DMRT1: variants seen among roughly 807,000 people sequenced by gnomAD.
The protein encoded by DMRT1 is doublesex and mab-3 related transcription factor 1.
Under a neutral mutation model 32.3 loss-of-function variants are expected in DMRT1, and 7 were observed. That is an observed-to-expected ratio of 0.22 (90% confidence interval 0.12 to 0.41). The LOEUF (loss-of-function observed/expected upper bound fraction) is 0.41. DMRT1 is among the 10% of genes least tolerant of loss of function. DMRT1 has a pLI of 1.00. For missense variants in DMRT1, 625 were observed against 500.5 expected (o/e 1.25, Z -2.37); for synonymous variants, 278 against 206.1 (o/e 1.35, Z -2.99).
intron 1 of DMRT1, among the ~76,000 whole-genome samples, chr9:844,815 G>A (rs1838835968): frequency 6.6e-6 from 1 of 150,924 alleles, no homozygotes; most frequent in South Asian, 2.1e-4. Context: ...CCGCCTCCTG[G>A]GTTCAAGCGA....
chr9:928,538 G>A (rs1020898886), intron 4 of DMRT1, among the ~76,000 whole-genome samples: 2 of 152,136 alleles, frequency 1.3e-5, no homozygotes, highest in African/African-American at 4.8e-5. Context: ...CTGAGGCAGC[G>A]AAAGAAACAA....
chr9:932,939 G>C (rs1468433627), intron 4 of DMRT1, among the ~76,000 whole-genome samples: 5 of 151,738 alleles, frequency 3.3e-5, no homozygotes, highest in African/African-American at 1.2e-4. Context: ...TTGAGACAGG[G>C]TTTTGCTCTG....
At chr9:843,984 C>A (rs1838798564) in intron 1 of DMRT1, among the ~76,000 whole-genome samples, 2 of 141,724 alleles carry the variant, frequency 1.4e-5, no homozygotes, top group South Asian at 4.5e-4. Flanking sequence ...AATGAGTTTA[C>A]TGAAAAAAAT....
chr9:864,654 A>G (rs748029232), intron 2 of DMRT1, among the ~76,000 whole-genome samples: 14 of 151,624 alleles, frequency 9.2e-5, no homozygotes, highest in Non-Finnish European at 1.6e-4. Flanking sequence ...GCCCGCCACC[A>G]CGCCTGGCTA....
intron 3 of DMRT1, among the ~76,000 whole-genome samples, chr9:902,362 G>A (rs1817621729): frequency 6.6e-6 from 1 of 151,498 alleles, no homozygotes; most frequent in African/African-American, 2.4e-5. Flanking sequence ...TAAGACTGCT[G>A]CAGTACTCAG....
intron 3 of DMRT1, among the ~76,000 whole-genome samples, chr9:913,361 C>G (rs1401200266): frequency 6.6e-6 from 1 of 152,150 alleles, no homozygotes; most frequent in East Asian, 1.9e-4. Flanking sequence ...ACTACTCAGA[C>G]TGTGTAATTG....
chr9:857,748 G>A (rs954203562), intron 2 of DMRT1, among the ~76,000 whole-genome samples: 8 of 149,938 alleles, frequency 5.3e-5, no homozygotes, highest in Non-Finnish European at 1.0e-4. Flanking sequence ...TTAACATTAG[G>A]TATATCTCCT....
chr9:908,712 A>G (rs1019853937), intron 3 of DMRT1, among the ~76,000 whole-genome samples: 11 of 151,560 alleles, frequency 7.3e-5, no homozygotes, highest in African/African-American at 2.7e-4. Context: ...TTGTTTTTGC[A>G]TGTGTAGTGG....
intron 2 of DMRT1, among the ~76,000 whole-genome samples, chr9:871,523 G>A (rs111857902): frequency 0.03 from 2,119 of 71,042 alleles, 95 homozygotes; most frequent in African/African-American, 0.099. Context: ...TTTTTTTTTT[G>A]GTAGAGACGG....
chr9:847,595 T>C (rs1838962153), intron 2 of DMRT1, among the ~76,000 whole-genome samples: 1 of 152,230 alleles, frequency 6.6e-6, no homozygotes, highest in South Asian at 2.1e-4. Flanking sequence ...GAAGGCCACG[T>C]TGGCTTGAAT....
At position 965,566 on chromosome 9, in the gene DMRT1, T is replaced by C. The variant is rs1287462682; in HGVS notation, c.968-2419T>C. On this transcript the variant is annotated intron_variant, in intron 4 of 4. Coordinates refer to ENST00000382276, the MANE Select transcript of DMRT1 (RefSeq NM_021951.3). This position sits in a 1 kb window ranked among gnomAD's most constrained non-coding sequence, Gnocchi z 4.5. ...AAATTCCCACTCCTCCCCTTTTCAG[T>C]CCCAAGTTGGCTAAATGAGGAGAGG... is the stretch of plus-strand genomic sequence containing the variant. Among the ~76,000 whole-genome samples, 3 of 152,218 alleles carry C rather than the reference T, an allele frequency of 2.0e-5. No individual in the cohort carries two copies. The highest frequency in any genetic ancestry group is 4.4e-5 in the Non-Finnish European group (3 of 68,038).
At chr9:891,987 C>G (rs1468648036) in intron 2 of DMRT1, among the ~76,000 whole-genome samples, 2 of 152,204 alleles carry the variant, frequency 1.3e-5, no homozygotes, top group Non-Finnish European at 2.9e-5. Context: ...TGCTGGATCT[C>G]ACGTCCTGGT....
At chr9:934,726 G>A (rs898293788) in intron 4 of DMRT1, among the ~76,000 whole-genome samples, 1 of 151,972 alleles carries the variant, frequency 6.6e-6, no homozygotes, top group East Asian at 1.9e-4. Flanking sequence ...CAGTTTTCCC[G>A]GCACTATTTG....
At chr9:964,891 A>G (rs1819885406) in intron 4 of DMRT1, among the ~76,000 whole-genome samples, 1 of 152,228 alleles carries the variant, frequency 6.6e-6, no homozygotes, top group African/African-American at 2.4e-5. Flanking sequence ...GTTCCCCCAC[A>G]GTGCCACTGA....
intron 4 of DMRT1, among the ~76,000 whole-genome samples, chr9:947,791 C>T (rs1819296258): frequency 6.6e-6 from 1 of 152,160 alleles, no homozygotes; most frequent in Admixed American, 6.5e-5. Context: ...TATAGCCCTT[C>T]AAGACAAATA....
chr9:842,163 G>T lies in DMRT1; in HGVS notation c.325G>T (p.Ala109Ser), dbSNP rs1430894819. The T allele has an allele frequency of 5.8e-6, 9 of 1,546,862 alleles. No individual in the cohort carries two copies. The highest frequency in any genetic ancestry group is 7.8e-6 in the Non-Finnish European group (9 of 1,151,654). The change falls in exon 1 of 5, where the codon GCC becomes TCC. Residue 109 changes from alanine (A) to serine (S), a missense_variant. Around this residue, in one of 3 missense-constraint regions of DMRT1, gnomAD observed 8 missense variants for 27.0 expected, o/e 0.30. Coordinates refer to ENST00000382276, the MANE Select transcript of DMRT1 (RefSeq NM_021951.3). Reference protein sequence around the residue: ...DCQCKKCNLIAERQRVMAAQV... With the variant: ...DCQCKKCNLISERQRVMAAQV... Reference sequence around the variant, plus strand: ...CCAGTGCAAGAAGTGCAACCTGATCGCCGAGAGGCAGCGCGTGATGGCCGC... The same window carrying T: ...CCAGTGCAAGAAGTGCAACCTGATCTCCGAGAGGCAGCGCGTGATGGCCGC...
chr9:845,906 T>G (rs1433531821), intron 1 of DMRT1, among the ~76,000 whole-genome samples: 1 of 152,222 alleles, frequency 6.6e-6, no homozygotes, highest in African/African-American at 2.4e-5. Flanking sequence ...GATTTTAACA[T>G]GTGAAAGACA....
chr9:844,569 GTAAT>G (rs1053585464), intron 1 of DMRT1, among the ~76,000 whole-genome samples: 5 of 151,912 alleles, frequency 3.3e-5, no homozygotes, highest in Admixed American at 6.6e-5. Context: ...TTAATTTTAA[GTAAT>G]TAATTATTTA....
intron 4 of DMRT1, among the ~76,000 whole-genome samples, chr9:919,242 G>A (rs913318115): frequency 3.3e-5 from 5 of 152,120 alleles, no homozygotes; most frequent in African/African-American, 9.7e-5. Context: ...TAGGTTTAAT[G>A]TCTTCTTTAA....
Sources: gnomAD v4.1 joint callset for allele counts (sites outside exome capture counted in the v4.1 genomes callset) on GRCh38, gnomAD v4.1.1 for gene constraint, gnomAD v4.1.1 regional missense constraint, Gnocchi (gnomAD v3.1) non-coding constraint, MANE v1.5 for transcripts, NCBI Gene and HGNC (gene_info 2026-07-23, HGNC 2026-07-21) for gene names.